The following XKR4 variants were observed in gnomAD, a reference collection of about 807,000 sequenced individuals.
XKR4 encodes XK-related protein 4.
Under a neutral mutation model 53.9 loss-of-function variants are expected in XKR4, and 12 were observed. That is an observed-to-expected ratio of 0.22 (90% CI 0.14 to 0.36). XKR4 has a LOEUF of 0.36. Ranked by LOEUF, XKR4 falls within the 10% of genes least tolerant of loss-of-function variation. The pLI, the probability that XKR4 is intolerant of heterozygous loss-of-function variation, is 1.00. For synonymous variants in XKR4, 354 were observed against 362.4 expected, an observed-to-expected ratio of 0.98 and a Z score of 0.26; for missense variants, 799 against 859.5, an observed-to-expected ratio of 0.93 and a Z score of 0.88.
intron 2 of XKR4, chr8:55,453,874 G>T (rs151327044): frequency 9.6e-4 from 542 of 561,740 alleles, no homozygotes; most frequent in Non-Finnish European, 1.6e-3. Flanking sequence ...CCGTGGGGCA[G>T]TACGGGACCC....
At chr8:55,414,941 C>T (rs145575270) in intron 2 of XKR4, among the ~76,000 whole-genome samples, 62 of 152,320 alleles carry the variant, frequency 4.1e-4, no homozygotes, top group African/African-American at 1.5e-3. Context: ...AAGCTCCAGA[C>T]CAGGCCTTTA....
intron 2 of XKR4, among the ~76,000 whole-genome samples, chr8:55,365,226 G>A (rs1248803004): frequency 1.3e-5 from 2 of 152,194 alleles, no homozygotes; most frequent in Non-Finnish European, 2.9e-5. Context: ...TGCTGTGCGC[G>A]CTGGCTGCCG....
chr8:55,267,473 G>T lies in XKR4; in HGVS notation c.807-90205G>T, dbSNP rs993564257. ...TGACTGTCTCAAGGCCACAGAACAG[G>T]TCTTAGTTGGCATAATGCACACCTA... is the stretch of plus-strand genomic sequence containing the variant. On this transcript the variant is annotated intron_variant, in intron 1 of 2. Transcript: ENST00000327381. Among the ~76,000 whole-genome samples the T allele has an allele frequency of 2.1e-4, 32 of 152,144 alleles. 1 individual carries two copies. The highest frequency in any genetic ancestry group is 1.5e-5 in the Non-Finnish European group (1 of 68,028).
intron 1 of XKR4, among the ~76,000 whole-genome samples, chr8:55,312,430 T>A (rs1243964350): frequency 2.0e-5 from 3 of 152,240 alleles, no homozygotes; most frequent in Admixed American, 2.0e-4. Flanking sequence ...AAAGGCAGAA[T>A]AAGAAGGCAT....
intron 1 of XKR4, among the ~76,000 whole-genome samples, chr8:55,314,909 A>G (rs1819449550): frequency 6.6e-6 from 1 of 152,198 alleles, no homozygotes; most frequent in Non-Finnish European, 1.5e-5. Flanking sequence ...AGAGGTCCAC[A>G]TGGAATGTGT....
chr8:55,367,142 C>T (rs1804000623), intron 2 of XKR4, among the ~76,000 whole-genome samples: 1 of 152,076 alleles, frequency 6.6e-6, no homozygotes, highest in Non-Finnish European at 1.5e-5. Flanking sequence ...CCCTCCTTCC[C>T]TGTGTGCCCA....
intron 2 of XKR4, chr8:55,451,407 C>T (rs1050793386): frequency 1.1e-5 from 11 of 962,592 alleles, no homozygotes; most frequent in Non-Finnish European, 1.6e-5. Context: ...TGCGTCCGGA[C>T]GCACTGGAGT....
chr8:55,434,629 A>T (rs182608921), intron 2 of XKR4, among the ~76,000 whole-genome samples: 1 of 152,294 alleles, frequency 6.6e-6, no homozygotes, highest in Non-Finnish European at 1.5e-5. Context: ...ATTATTTATC[A>T]TACAATGTTT....
rs562180138 is a variant in XKR4, at chr8:55,538,404, G to A, written c.*14177G>A. 2.0e-5 allele frequency: 3 copies of A among 152,376 alleles called. No homozygotes were observed. Among genetic ancestry groups the A allele is most frequent in the African/African-American group, 7.2e-5 (3 of 41,586 alleles). The allele number at this position is 152,376 out of a possible 1,614,324, so 9.4% of individuals were successfully genotyped here. On this transcript the variant is annotated 3_prime_UTR_variant, in exon 3 of 3. Transcript: ENST00000327381. ...ACAGAAGAGAGCTGTGTGCAGCACG[G>A]AGGAAGTGGAGTCTGAGGAATACAA...
intron 2 of XKR4, among the ~76,000 whole-genome samples, chr8:55,475,853 A>T (rs746482124): frequency 7.4e-4 from 112 of 151,840 alleles, no homozygotes; most frequent in Non-Finnish European, 4.7e-4. Context: ...CACCCTCCTC[A>T]GCCTCCCAAA....
At chr8:55,132,822 G>A (rs1816577002) in intron 1 of XKR4, among the ~76,000 whole-genome samples, 1 of 152,156 alleles carries the variant, frequency 6.6e-6, no homozygotes, top group African/African-American at 2.4e-5. Context: ...AAAGGAATGG[G>A]CGTCCGAGGC....
intron 2 of XKR4, among the ~76,000 whole-genome samples, chr8:55,365,840 G>A (rs1354477509): frequency 6.6e-6 from 1 of 152,166 alleles, no homozygotes; most frequent in African/African-American, 2.4e-5. Flanking sequence ...TTATCTGTAG[G>A]GCTAGAGGAC....
At chr8:55,454,004 G>A (rs1237204329) in intron 2 of XKR4, 6 of 867,060 alleles carry the variant, frequency 6.9e-6, no homozygotes, top group Admixed American at 1.9e-5. Context: ...GACAGGCTCC[G>A]GGTGAATGCA....
chr8:55,191,455 T>G (rs1817443073), intron 1 of XKR4, among the ~76,000 whole-genome samples: 2 of 152,222 alleles, frequency 1.3e-5, no homozygotes, highest in African/African-American at 4.8e-5. Flanking sequence ...AGAGCTCTTC[T>G]GTGCCCAGGG....
intron 1 of XKR4, among the ~76,000 whole-genome samples, chr8:55,325,491 C>A (rs958430898): frequency 6.6e-6 from 1 of 152,076 alleles, no homozygotes. Context: ...ATTTACCCTG[C>A]GGGGTCTTCA....
At chr8:55,481,452 A>T (rs1357352051) in intron 2 of XKR4, among the ~76,000 whole-genome samples, 2 of 152,062 alleles carry the variant, frequency 1.3e-5, no homozygotes, top group East Asian at 3.8e-4. Context: ...CCTAGAAGAA[A>T]ACCTAGGCAA....
At chr8:55,304,897 A>G (rs1336670261) in intron 1 of XKR4, among the ~76,000 whole-genome samples, 2 of 152,000 alleles carry the variant, frequency 1.3e-5, no homozygotes, top group Non-Finnish European at 2.9e-5. Flanking sequence ...CAGACACTTT[A>G]TTACCAGAGG....
At chr8:55,323,798 T>C (rs1318681029) in intron 1 of XKR4, among the ~76,000 whole-genome samples, 1 of 152,236 alleles carries the variant, frequency 6.6e-6, no homozygotes, top group African/African-American at 2.4e-5. Flanking sequence ...AAGTCTTTTT[T>C]TGTCTTTGTT....
At chr8:55,334,323 A>G (rs1803423326) in intron 1 of XKR4, among the ~76,000 whole-genome samples, 1 of 152,192 alleles carries the variant, frequency 6.6e-6, no homozygotes, top group Non-Finnish European at 1.5e-5. Flanking sequence ...GAGGATATAA[A>G]TTAAATCAGG....
Sources: gnomAD v4.1 joint callset for allele counts (sites outside exome capture counted in the v4.1 genomes callset) on GRCh38, gnomAD v4.1.1 for gene constraint, MANE v1.5 for transcripts, NCBI Gene and HGNC (gene_info 2026-07-23, HGNC 2026-07-21) for gene names.